LRTM3: variants seen among roughly 807,000 people sequenced by gnomAD.
LRTM3 encodes the protein leucine rich repeat transmembrane protein 3, also known as leucine-rich repeat transmembrane protein 3.
At chr13:102,731,979 C>T in the LRTM3 span, 2 of 1,551,050 alleles carry the variant, frequency 1.3e-6, no homozygotes, top group Non-Finnish European at 1.7e-6. Context: ...TTTGTTTGTG[C>T]CTTTAAGTAT....
chr13:102,740,052 T>C, the LRTM3 span: 3 of 1,550,294 alleles, frequency 1.9e-6, no homozygotes, highest in South Asian at 2.4e-5. Context: ...TCTTGCAAAA[T>C]AGGCATGGAT....
the LRTM3 span, chr13:102,748,419 G>A: frequency 1.3e-6 from 2 of 1,551,184 alleles, no homozygotes; most frequent in Non-Finnish European, 8.7e-7. Flanking sequence ...TCCAGAACAA[G>A]TTCCAAAAAA....
At chr13:102,730,469 T>G in the LRTM3 span, 3 of 1,551,502 alleles carry the variant, frequency 1.9e-6, no homozygotes, top group South Asian at 1.2e-5. Flanking sequence ...ATCAACAGAT[T>G]CACATGTATT....
chr13:102,732,833 A>C, the LRTM3 span: 1 of 1,551,010 alleles, frequency 6.4e-7, no homozygotes, highest in Non-Finnish European at 8.7e-7. Flanking sequence ...ATCATTGTCC[A>C]TTTCTAATTT....
the LRTM3 span, chr13:102,741,585 G>A: frequency 1.3e-6 from 2 of 1,550,318 alleles, no homozygotes; most frequent in Middle Eastern, 3.3e-4. Context: ...TCCATAATGG[G>A]GCAGGCCATA....
chr13:102,746,307 T>A, the LRTM3 span: 1 of 1,551,052 alleles, frequency 6.4e-7, no homozygotes, highest in Non-Finnish European at 8.7e-7. Flanking sequence ...TCCTCTTCCT[T>A]TCCATCTTGC....
At chr13:102,734,943 T>C in the LRTM3 span, 1 of 1,551,182 alleles carries the variant, frequency 6.4e-7, no homozygotes, top group South Asian at 1.2e-5. Context: ...TCACCAGCAA[T>C]TGGCCTTATA....
chr13:102,755,127 A>C, the LRTM3 span, among the ~76,000 whole-genome samples: 4 of 152,134 alleles, frequency 2.6e-5, no homozygotes, highest in East Asian at 7.7e-4. Flanking sequence ...CGGATTTCAG[A>C]TACTGAGTGG....
At chr13:102,732,890 T>C in the LRTM3 span, 1 of 1,551,436 alleles carries the variant, frequency 6.4e-7, no homozygotes, top group Non-Finnish European at 8.7e-7. Context: ...TTGATGTTTT[T>C]CCTCCAGATC....
chr13:102,744,556 A>G, the LRTM3 span: 8 of 1,550,426 alleles, frequency 5.2e-6, no homozygotes, highest in South Asian at 3.6e-5. Context: ...CAGTTTCTCT[A>G]AAGTGTGTTT....
chr13:102,744,477 C>G, the LRTM3 span: 2 of 1,550,686 alleles, frequency 1.3e-6, no homozygotes, highest in South Asian at 1.2e-5. Flanking sequence ...TTTAGACCTT[C>G]CATACATTTT....
At chr13:102,749,518 A>C in the LRTM3 span, 3 of 1,551,390 alleles carry the variant, frequency 1.9e-6, no homozygotes, top group Admixed American at 5.9e-5. Flanking sequence ...GTTGGTCCTC[A>C]CCTAAGTGTT....
the LRTM3 span, chr13:102,735,735 C>A: frequency 1.8e-5 from 28 of 1,549,200 alleles, no homozygotes; most frequent in Non-Finnish European, 2.4e-5. Flanking sequence ...TCAGTATATG[C>A]TTTTTTGCCT....
At chr13:102,754,104 G>A in the LRTM3 span, among the ~76,000 whole-genome samples, 1 of 151,708 alleles carries the variant, frequency 6.6e-6, no homozygotes, top group South Asian at 2.1e-4. Context: ...TACTCGGGAG[G>A]CTGAGGCAGG....
the LRTM3 span, chr13:102,731,500 C>T: frequency 9.7e-6 from 15 of 1,551,132 alleles, no homozygotes; most frequent in African/African-American, 1.4e-4. Flanking sequence ...ATTTGTGCTG[C>T]GTTTTGGGAT....
At chr13:102,750,972 C>A in the LRTM3 span, among the ~76,000 whole-genome samples, 1 of 152,164 alleles carries the variant, frequency 6.6e-6, no homozygotes, top group African/African-American at 2.4e-5. Context: ...AGTGCTCAGA[C>A]CAACAGCATC....
At chr13:102,733,301 G>A in the LRTM3 span, 2 of 1,551,274 alleles carry the variant, frequency 1.3e-6, no homozygotes, top group East Asian at 4.9e-5. Context: ...TAACACTTTG[G>A]GAGAAAACAT....
chr13:102,747,691 C>T, the LRTM3 span: 1 of 1,551,134 alleles, frequency 6.4e-7, no homozygotes, highest in East Asian at 2.4e-5. Flanking sequence ...TAAGTGGATT[C>T]TTTGGATCTC....
chr13:102,742,231 T>C, the LRTM3 span: 4,723 of 1,550,538 alleles, frequency 3.0e-3, 139 homozygotes, highest in African/African-American at 0.057. Context: ...TTTTATTGCT[T>C]GCAGTACCAT....
Sources: allele counts gnomAD v4.1 joint callset (sites outside exome capture counted in the v4.1 genomes callset), GRCh38; gene constraint gnomAD v4.1.1; transcripts MANE v1.5; gene names NCBI Gene and HGNC (gene_info 2026-07-23, HGNC 2026-07-21).